PIP4K2A: variants seen among roughly 807,000 people sequenced by gnomAD.
PIP4K2A encodes the protein phosphatidylinositol 5-phosphate 4-kinase type-2 alpha.
Under a neutral mutation model 42.9 loss-of-function variants are expected in PIP4K2A, and 14 were observed. The observed-to-expected ratio is 0.33, with a 90% CI of 0.22 to 0.51. The LOEUF is 0.51. Ranked by LOEUF, PIP4K2A falls within the 20% of genes least tolerant of loss-of-function variation. The pLI is 0.97. For missense variants in PIP4K2A, 434 were observed against 519.8 expected (o/e 0.83, Z 1.61); for synonymous variants, 192 against 192.2 (o/e 1.00, Z 0.01).
chr10:22,593,491 G>C (rs1044376950), intron 3 of PIP4K2A, among the ~76,000 whole-genome samples: 1 of 152,210 alleles, frequency 6.6e-6, no homozygotes, highest in African/African-American at 2.4e-5. Flanking sequence ...ACATTAACAA[G>C]AGTTTAATTC....
intron 4 of PIP4K2A, among the ~76,000 whole-genome samples, chr10:22,589,635 A>G (rs1378559803): frequency 6.6e-6 from 1 of 152,250 alleles, no homozygotes; most frequent in Non-Finnish European, 1.5e-5. Context: ...GCAACTGCCA[A>G]GAAAGAATCC....
chr10:22,638,749 A>G (rs1476776338), intron 1 of PIP4K2A, among the ~76,000 whole-genome samples: 2 of 152,180 alleles, frequency 1.3e-5, no homozygotes, highest in Non-Finnish European at 2.9e-5. Flanking sequence ...TTTGTTTTTA[A>G]GTATGTAGGA....
chr10:22,556,509 G>A (rs1047783650), intron 6 of PIP4K2A, among the ~76,000 whole-genome samples: 1 of 152,092 alleles, frequency 6.6e-6, no homozygotes, highest in African/African-American at 2.4e-5. Context: ...TCAATATATG[G>A]AATAAAATGT....
chr10:22,634,084 C>CTA (rs1414503213), intron 1 of PIP4K2A, among the ~76,000 whole-genome samples: 1 of 152,174 alleles, frequency 6.6e-6, no homozygotes, highest in African/African-American at 2.4e-5. Flanking sequence ...CTTAGAGTCA[C>CTA]TATGAACATG....
chr10:22,622,742 G>A (rs1778303), intron 1 of PIP4K2A, among the ~76,000 whole-genome samples: 53,290 of 152,058 alleles, frequency 0.35, 9,665 homozygotes, highest in Non-Finnish European at 0.39. Flanking sequence ...ACCGGACATG[G>A]GAGGAAAGCC....
intron 4 of PIP4K2A, among the ~76,000 whole-genome samples, chr10:22,580,867 A>T (rs1032529447): frequency 6.6e-6 from 1 of 152,168 alleles, no homozygotes; most frequent in Non-Finnish European, 1.5e-5. Flanking sequence ...TGCGATGGTA[A>T]TGTCTCGCTT....
chr10:22,652,140 C>G (rs1459957467), intron 1 of PIP4K2A, among the ~76,000 whole-genome samples: 1 of 149,784 alleles, frequency 6.7e-6, no homozygotes, highest in Non-Finnish European at 1.5e-5. Context: ...TTTTTTGAGA[C>G]AGACTCTTAC....
chr10:22,544,485 C>CCT (rs1001368509), intron 7 of PIP4K2A, among the ~76,000 whole-genome samples: 1 of 152,114 alleles, frequency 6.6e-6, no homozygotes, highest in Non-Finnish European at 1.5e-5. Flanking sequence ...GCTTCCCTGG[C>CCT]CTCTCTCTCT....
chr10:22,592,042 A>C (rs949279244), intron 3 of PIP4K2A, among the ~76,000 whole-genome samples: 1 of 152,242 alleles, frequency 6.6e-6, no homozygotes, highest in African/African-American at 2.4e-5. Flanking sequence ...ATTATAATCA[A>C]AGTAACTTTA....
intron 5 of PIP4K2A, among the ~76,000 whole-genome samples, chr10:22,569,655 CTGTG>C (rs145635674): frequency 3.2e-4 from 48 of 151,288 alleles, no homozygotes; most frequent in Admixed American, 1.2e-3. Context: ...GTGTGTGTGT[CTGTG>C]TGTGTGTGTG....
At chr10:22,709,797 C>T (rs556430438) in intron 1 of PIP4K2A, among the ~76,000 whole-genome samples, 1 of 152,216 alleles carries the variant, frequency 6.6e-6, no homozygotes, top group African/African-American at 2.4e-5. Flanking sequence ...TATAAAACGA[C>T]TTCCCTAATA....
At position 22,707,311 on chromosome 10, in the gene PIP4K2A, G is replaced by A. The variant is rs151125912; in HGVS notation, c.144+6872C>T. Among the ~76,000 whole-genome samples, 620 of 152,256 alleles carry A rather than the reference G, an allele frequency of 4.1e-3. 3 individuals carry two copies. Among genetic ancestry groups the A allele is most frequent in the African/African-American group, 0.014 (600 of 41,542 alleles). On this transcript the variant is annotated intron_variant, in intron 1 of 9. Coordinates refer to ENST00000376573, the MANE Select transcript of PIP4K2A (RefSeq NM_005028.5). Reference sequence around the variant, plus strand: ...CTTGTTCAAGGTCACATAGCCAACCGAACAAGGACTCCAGAGCTCTTAATC... The same window carrying A: ...CTTGTTCAAGGTCACATAGCCAACCAAACAAGGACTCCAGAGCTCTTAATC...
chr10:22,639,829 C>A (rs1838741915), intron 1 of PIP4K2A, among the ~76,000 whole-genome samples: 1 of 152,040 alleles, frequency 6.6e-6, no homozygotes, highest in Admixed American at 6.6e-5. Context: ...TAATTAAAGT[C>A]ACATAATGTC....
intron 1 of PIP4K2A, among the ~76,000 whole-genome samples, chr10:22,686,760 G>A (rs1423898319): frequency 4.6e-5 from 7 of 152,242 alleles, no homozygotes; most frequent in African/African-American, 1.4e-4. Context: ...GTGAGCCACC[G>A]TGCCCAGCCT....
In PIP4K2A at chr10:22,541,844, G is replaced by C; in HGVS notation, c.996C>G (p.Phe332Leu). 1 of 1,584,830 alleles carries C rather than the reference G, an allele frequency of 6.3e-7. No homozygotes were observed. The highest frequency in any genetic ancestry group is 8.6e-7 in the Non-Finnish European group (1 of 1,166,832). The change falls in exon 8 of 10, where the codon TTC becomes TTG. Residue 332 changes from phenylalanine to leucine, a missense_variant. Around this residue, in one of 2 missense-constraint regions of PIP4K2A, gnomAD observed 395 missense variants for 444.5 expected, o/e 0.89. Transcript: ENST00000376573. ...NSSPPLAPGE[F>L]DPNIDVYGIK... Reference sequence around the variant, plus strand: ...TTCCATAGACGTCGATGTTCGGATCGAACTCCCCGGGAGCCAGGGGTGGTG... The same window carrying C: ...TTCCATAGACGTCGATGTTCGGATCCAACTCCCCGGGAGCCAGGGGTGGTG...
rs1839459631 is a variant in PIP4K2A at position 22,671,930 on chromosome 10, A to G, written c.144+42253T>C. The stretch of plus-strand genomic sequence containing the variant: ...GGAATAAATTATTAAAATAACTAAT[A>G]ATATAATATTTGTTAATGTGAAATA... On this transcript the variant is annotated intron_variant, in intron 1 of 9. Coordinates refer to ENST00000376573, the MANE Select transcript of PIP4K2A (RefSeq NM_005028.5). Among the ~76,000 whole-genome samples the G allele has an allele frequency of 2.6e-5, 4 of 152,154 alleles. No individual in the cohort carries two copies. In the South Asian group the frequency reaches 8.3e-4, roughly 32 times the overall value.
At chr10:22,664,196 T>TATATAC in intron 1 of PIP4K2A, among the ~76,000 whole-genome samples, 1 of 68,290 alleles carries the variant, frequency 1.5e-5, no homozygotes. Flanking sequence ...TATATACATA[T>TATATAC]ATATATACAT....
intron 1 of PIP4K2A, among the ~76,000 whole-genome samples, chr10:22,699,792 A>G (rs1404217657): frequency 6.6e-6 from 1 of 152,192 alleles, no homozygotes; most frequent in East Asian, 1.9e-4. Flanking sequence ...TATTTCTGAA[A>G]AATTTCTAAG....
chr10:22,549,830 A>C (rs1357275249), intron 7 of PIP4K2A, among the ~76,000 whole-genome samples: 1 of 111,730 alleles, frequency 9.0e-6, no homozygotes, highest in African/African-American at 3.4e-5. Context: ...GACAGTGAGA[A>C]TCCATCTCAA....
Sources: gnomAD v4.1 joint callset for allele counts (sites outside exome capture counted in the v4.1 genomes callset) on GRCh38, gnomAD v4.1.1 for gene constraint, gnomAD v4.1.1 regional missense constraint, MANE v1.5 for transcripts, NCBI Gene and HGNC (gene_info 2026-07-23, HGNC 2026-07-21) for gene names.